Variants in NKAIN2 observed in about 807,000 individuals in gnomAD.
The protein encoded by NKAIN2 is sodium/potassium-transporting ATPase subunit beta-1-interacting protein 2.
In NKAIN2, 14 loss-of-function variants were observed where a neutral mutation model predicts 32.6. That is an observed-to-expected ratio of 0.43 (90% confidence interval 0.28 to 0.67). The LOEUF (loss-of-function observed/expected upper bound fraction) is 0.67. NKAIN2 is among the 30% of genes least tolerant of loss of function. NKAIN2 has a pLI of 0.17. For missense variants in NKAIN2, 198 were observed against 258.3 expected (o/e 0.77, Z 1.60); for synonymous variants, 80 against 87.2 (o/e 0.92, Z 0.46).
intron 3 of NKAIN2, among the ~76,000 whole-genome samples, chr6:124,573,794 G>T (rs1035373630): frequency 6.6e-6 from 1 of 152,086 alleles, no homozygotes; most frequent in Non-Finnish European, 1.5e-5. Flanking sequence ...TTGCACTTAC[G>T]TTAAAATCTC....
intron 1 of NKAIN2, among the ~76,000 whole-genome samples, chr6:124,249,124 A>G (rs375710878): frequency 6.8e-4 from 104 of 152,266 alleles, no homozygotes; most frequent in African/African-American, 2.3e-3. Context: ...TGCAGAGCCT[A>G]CTGCTACACA....
At chr6:124,557,040 G>A (rs1292250406) in intron 3 of NKAIN2, among the ~76,000 whole-genome samples, 1 of 152,160 alleles carries the variant, frequency 6.6e-6, no homozygotes, top group Admixed American at 6.5e-5. Flanking sequence ...AATAAGCTTT[G>A]ATAAACACCA....
rs146374064 is a variant in NKAIN2 at position 124,625,011 on chromosome 6, A to G, written c.274-33175A>G. ...TCCTGCATTTATTTAGTTCTATACT[A>G]AGATAATTAAATATTTAAGCTGCAT... On this transcript the variant is annotated intron_variant, in intron 3 of 6. Transcript: ENST00000368417. Among the ~76,000 whole-genome samples, 10 of 152,272 alleles carry G rather than the reference A, an allele frequency of 6.6e-5. No homozygotes were observed. The East Asian group carries it at 1.9e-3, about 29-fold the overall frequency.
chr6:124,299,095 C>A (rs1305934222), intron 2 of NKAIN2, among the ~76,000 whole-genome samples: 2 of 152,210 alleles, frequency 1.3e-5, no homozygotes, highest in Admixed American at 1.3e-4. Flanking sequence ...TCTGTTACAT[C>A]TGGAAAATGC....
chr6:124,441,052 G>A (rs1011725735), intron 3 of NKAIN2, among the ~76,000 whole-genome samples: 5 of 152,046 alleles, frequency 3.3e-5, no homozygotes, highest in African/African-American at 1.2e-4. Flanking sequence ...TTGGATAATT[G>A]TGTCTTAAAC....
At chr6:124,155,963 G>GAA (rs112070072) in intron 1 of NKAIN2, among the ~76,000 whole-genome samples, 33 of 125,908 alleles carry the variant, frequency 2.6e-4, no homozygotes, top group African/African-American at 4.3e-4. Context: ...ACAGAGAATG[G>GAA]AAAAAAAAAA....
intron 3 of NKAIN2, among the ~76,000 whole-genome samples, chr6:124,643,226 A>G (rs1259207592): frequency 6.6e-6 from 1 of 152,172 alleles, no homozygotes; most frequent in South Asian, 2.1e-4. Flanking sequence ...TCCCTCTTCA[A>G]TCTAGCCGCA....
At chr6:124,383,654 A>G (rs1030363235) in intron 3 of NKAIN2, among the ~76,000 whole-genome samples, 3 of 152,154 alleles carry the variant, frequency 2.0e-5, no homozygotes, top group Non-Finnish European at 4.4e-5. Flanking sequence ...CTCAGCTCCA[A>G]TGCCAATCTC....
At chr6:124,054,398 G>T (rs973012347) in intron 1 of NKAIN2, among the ~76,000 whole-genome samples, 1 of 152,152 alleles carries the variant, frequency 6.6e-6, no homozygotes, top group South Asian at 2.1e-4. Flanking sequence ...ACAGCATTGA[G>T]AATTGGACCA....
At chr6:124,228,820 A>G (rs2689901) in intron 1 of NKAIN2, among the ~76,000 whole-genome samples, 120,401 of 152,084 alleles carry the variant, frequency 0.79, 47,841 homozygotes, top group South Asian at 0.86. Flanking sequence ...ATGGTGCTTC[A>G]AAATTGTCAA....
intron 1 of NKAIN2, among the ~76,000 whole-genome samples, chr6:124,041,722 AG>A (rs1781881098): frequency 1.3e-5 from 2 of 152,098 alleles, no homozygotes; most frequent in South Asian, 4.1e-4. Context: ...GCAAATAAAA[AG>A]GGAAAAAAAC....
At chr6:124,527,758 C>A (rs1376447243) in intron 3 of NKAIN2, among the ~76,000 whole-genome samples, 1 of 152,066 alleles carries the variant, frequency 6.6e-6, no homozygotes, top group Non-Finnish European at 1.5e-5. Flanking sequence ...TGGTCTGAGT[C>A]AGTGGAAATT....
intron 1 of NKAIN2, among the ~76,000 whole-genome samples, chr6:123,893,993 A>G (rs1774149400): frequency 6.6e-6 from 1 of 152,224 alleles, no homozygotes; most frequent in Non-Finnish European, 1.5e-5. Flanking sequence ...TTAAAATTTT[A>G]AACTCAAGTT....
chr6:124,370,854 C>G (rs1234347467), intron 3 of NKAIN2, among the ~76,000 whole-genome samples: 4 of 152,060 alleles, frequency 2.6e-5, no homozygotes, highest in East Asian at 1.9e-4. Context: ...CTGTGACCCC[C>G]CCGGAAGGTA....
chr6:124,165,372 G>T (rs1273939955), intron 1 of NKAIN2, among the ~76,000 whole-genome samples: 2 of 151,934 alleles, frequency 1.3e-5, no homozygotes, highest in Admixed American at 6.6e-5. Flanking sequence ...TTCTACTAGT[G>T]AGAAAATATG....
intron 1 of NKAIN2, among the ~76,000 whole-genome samples, chr6:124,248,467 C>T (rs1354775152): frequency 6.6e-6 from 1 of 151,954 alleles, no homozygotes; most frequent in African/African-American, 2.4e-5. Context: ...TACTATTGCT[C>T]ATATACTTCA....
chr6:124,756,847 T>A (rs998272128), intron 4 of NKAIN2, among the ~76,000 whole-genome samples: 7 of 152,174 alleles, frequency 4.6e-5, no homozygotes, highest in Admixed American at 4.6e-4. Flanking sequence ...TTATATATCA[T>A]AGAAGCATTT....
intron 3 of NKAIN2, among the ~76,000 whole-genome samples, chr6:124,544,337 A>T (rs1409344413): frequency 6.6e-6 from 1 of 151,778 alleles, no homozygotes; most frequent in East Asian, 1.9e-4. Flanking sequence ...ATCTCCAACC[A>T]CAGAAGCCTC....
chr6:124,637,331 C>A (rs2114337384), intron 3 of NKAIN2, among the ~76,000 whole-genome samples: 1 of 151,998 alleles, frequency 6.6e-6, no homozygotes, highest in Non-Finnish European at 1.5e-5. Context: ...AAAACTGAAA[C>A]AAGATATGAA....
Sources: allele counts gnomAD v4.1 joint callset (sites outside exome capture counted in the v4.1 genomes callset), GRCh38; gene constraint gnomAD v4.1.1; transcripts MANE v1.5; gene names NCBI Gene and HGNC (gene_info 2026-07-23, HGNC 2026-07-21).